Variants in GALNT13 observed in about 807,000 individuals in gnomAD.
GALNT13 encodes the protein UDP-GalNAc:polypeptide N-acetylgalactosaminyltransferase 13.
In GALNT13, 28 loss-of-function variants were observed where a neutral mutation model predicts 64.2. The ratio of observed to expected loss-of-function variants is 0.44; its 90% CI spans 0.32 to 0.60. The LOEUF is 0.60. Ranked by LOEUF, GALNT13 falls within the 20% of genes least tolerant of loss-of-function variation. The pLI is 0.05. For missense variants in GALNT13, 577 were observed against 669.8 expected, an observed-to-expected ratio of 0.86 and a Z score of 1.53; for synonymous variants, 214 against 224.6, an observed-to-expected ratio of 0.95 and a Z score of 0.42.
the GALNT13 span, among the ~76,000 whole-genome samples, chr2:153,619,898 A>T: frequency 1.3e-5 from 2 of 151,562 alleles, no homozygotes; most frequent in African/African-American, 4.8e-5. Flanking sequence ...GATCTTTGGG[A>T]GTTTGATTAT....
At chr2:153,099,951 T>C in the GALNT13 span, among the ~76,000 whole-genome samples, 2 of 152,230 alleles carry the variant, frequency 1.3e-5, no homozygotes, top group Admixed American at 6.5e-5. Context: ...TGACTATAAG[T>C]TGAGGAAACA....
the GALNT13 span, among the ~76,000 whole-genome samples, chr2:153,523,062 T>C: frequency 6.7e-6 from 1 of 149,692 alleles, no homozygotes; most frequent in South Asian, 2.1e-4. Context: ...TTTTTTTTTT[T>C]TTTTGCATGT....
chr2:153,437,355 A>G, the GALNT13 span, among the ~76,000 whole-genome samples: 1 of 152,086 alleles, frequency 6.6e-6, no homozygotes, highest in Non-Finnish European at 1.5e-5. Flanking sequence ...CTTGGTGCAG[A>G]GCTGAGTTCA....
chr2:153,286,476 C>T, the GALNT13 span, among the ~76,000 whole-genome samples: 1 of 152,044 alleles, frequency 6.6e-6, no homozygotes, highest in Non-Finnish European at 1.5e-5. Context: ...AACAATAATT[C>T]ATTTAGAATA....
At chr2:153,732,391 C>T in the GALNT13 span, among the ~76,000 whole-genome samples, 2 of 151,910 alleles carry the variant, frequency 1.3e-5, no homozygotes, top group African/African-American at 4.8e-5. Context: ...AGAATATGAA[C>T]AGAACATTAT....
chr2:153,463,132 T>C, the GALNT13 span, among the ~76,000 whole-genome samples: 1 of 152,076 alleles, frequency 6.6e-6, no homozygotes, highest in Non-Finnish European at 1.5e-5. Context: ...GAAAGATGAG[T>C]GAACCAGAGA....
At chr2:153,070,328 A>T in the GALNT13 span, among the ~76,000 whole-genome samples, 1 of 152,144 alleles carries the variant, frequency 6.6e-6, no homozygotes, top group Admixed American at 6.6e-5. Flanking sequence ...AGTGGGTGGG[A>T]TGAATTAAGT....
At chr2:153,723,991 C>T in the GALNT13 span, among the ~76,000 whole-genome samples, 113 of 147,022 alleles carry the variant, frequency 7.7e-4, no homozygotes, top group East Asian at 4.8e-3. Flanking sequence ...GAGCCCGCAT[C>T]GCCAAGTCAA....
At chr2:154,356,777 C>A (rs1222533895) in intron 9 of GALNT13, among the ~76,000 whole-genome samples, 1 of 151,698 alleles carries the variant, frequency 6.6e-6, no homozygotes, top group Non-Finnish European at 1.5e-5. Context: ...TCTAACTGAG[C>A]CTTAAACTAT....
the GALNT13 span, among the ~76,000 whole-genome samples, chr2:153,237,816 A>G: frequency 6.6e-6 from 1 of 152,074 alleles, no homozygotes. Context: ...TCTCTTTGAT[A>G]TAATAATTTC....
the GALNT13 span, among the ~76,000 whole-genome samples, chr2:153,074,137 AT>A: frequency 1.3e-5 from 2 of 152,208 alleles, no homozygotes; most frequent in East Asian, 3.8e-4. Flanking sequence ...GGCTAAATCC[AT>A]TAACTTATTA....
At chr2:153,290,710 A>T in the GALNT13 span, among the ~76,000 whole-genome samples, 9 of 152,278 alleles carry the variant, frequency 5.9e-5, no homozygotes, top group South Asian at 1.7e-3. Context: ...CCTACATATT[A>T]TCCCCCTATG....
In GALNT13 at chr2:154,255,045, A is replaced by T. The variant is rs139468618; in HGVS notation, c.858-3976A>T. On this transcript the variant is annotated intron_variant, in intron 7 of 12. Transcript: ENST00000392825. ...AAACTAAGAGCTTGTCCAAAGTCTG[A>T]CAGCAAGGAAAAAGGAGGGGAAGGG... is the stretch of plus-strand genomic sequence containing the variant. Among the ~76,000 whole-genome samples, 217 of 152,320 alleles carry T rather than the reference A, an allele frequency of 1.4e-3. 5 individuals are homozygous for T. The East Asian group carries it at 0.037, about 26-fold the overall frequency.
chr2:153,634,425 C>T, the GALNT13 span, among the ~76,000 whole-genome samples: 1 of 151,648 alleles, frequency 6.6e-6, no homozygotes, highest in East Asian at 1.9e-4. Context: ...ATGACATCTA[C>T]TCTGAGAGGT....
At chr2:154,120,895 T>G (rs1681903989) in intron 3 of GALNT13, among the ~76,000 whole-genome samples, 1 of 152,148 alleles carries the variant, frequency 6.6e-6, no homozygotes, top group Non-Finnish European at 1.5e-5. Flanking sequence ...GACCTGCACT[T>G]CCTTCCTTTG....
chr2:154,263,173 A>G (rs1690796009), intron 8 of GALNT13, among the ~76,000 whole-genome samples: 2 of 152,188 alleles, frequency 1.3e-5, no homozygotes, highest in South Asian at 4.1e-4. Context: ...GGTTACAAGT[A>G]TGGACTGGGA....
the GALNT13 span, among the ~76,000 whole-genome samples, chr2:153,859,070 T>C: frequency 1.3e-5 from 2 of 152,136 alleles, no homozygotes; most frequent in South Asian, 4.1e-4. Context: ...GGTTAAGTAC[T>C]AGCTGCAGTT....
At chr2:153,611,868 C>A in the GALNT13 span, among the ~76,000 whole-genome samples, 1 of 151,584 alleles carries the variant, frequency 6.6e-6, no homozygotes, top group Non-Finnish European at 1.5e-5. Context: ...TCCCCCACCC[C>A]CCAACAGTCC....
intron 9 of GALNT13, among the ~76,000 whole-genome samples, chr2:154,346,629 C>A (rs1380973913): frequency 6.6e-6 from 1 of 152,090 alleles, no homozygotes; most frequent in East Asian, 1.9e-4. Context: ...GATTGTGAGT[C>A]CTCCCCAGCT....
Sources: gnomAD v4.1 joint callset for allele counts (sites outside exome capture counted in the v4.1 genomes callset) on GRCh38, gnomAD v4.1.1 for gene constraint, MANE v1.5 for transcripts, NCBI Gene and HGNC (gene_info 2026-07-23, HGNC 2026-07-21) for gene names.